Variants in CLSTN2 observed in about 807,000 individuals in gnomAD.
CLSTN2 encodes calsyntenin-2.
A neutral mutation model predicts 101.2 loss-of-function variants in CLSTN2; 48 were observed. The ratio of observed to expected loss-of-function variants is 0.47; its 90% CI spans 0.38 to 0.60. The LOEUF is 0.60. Among genes scored for constraint, CLSTN2 ranks in the 20% least tolerant of loss-of-function variants. The pLI is 0.00. For missense variants in CLSTN2, 1,160 were observed against 1,238.2 expected (o/e 0.94, Z 0.95); for synonymous variants, 481 against 463.6 (o/e 1.04, Z -0.48).
At chr3:139,952,835 T>C (rs891363213) in intron 1 of CLSTN2, among the ~76,000 whole-genome samples, 1 of 152,182 alleles carries the variant, frequency 6.6e-6, no homozygotes, top group Non-Finnish European at 1.5e-5. Context: ...GTCGGGGTTA[T>C]TCTCAGGGAG....
chr3:139,955,341 C>T (rs1462458140), intron 1 of CLSTN2, among the ~76,000 whole-genome samples: 1 of 151,654 alleles, frequency 6.6e-6, no homozygotes, highest in Non-Finnish European at 1.5e-5. Flanking sequence ...AACTCTGGCT[C>T]AAGAGGCTGT....
chr3:140,023,692 C>T (rs1026884710), intron 1 of CLSTN2, among the ~76,000 whole-genome samples: 2 of 152,172 alleles, frequency 1.3e-5, no homozygotes, highest in South Asian at 4.1e-4. Context: ...CACCAGCCCC[C>T]TTCGTGTTGG....
intron 2 of CLSTN2, among the ~76,000 whole-genome samples, chr3:140,343,885 G>C (rs1375236125): frequency 6.6e-6 from 1 of 152,174 alleles, no homozygotes; most frequent in Non-Finnish European, 1.5e-5. Context: ...AGGACTAGCT[G>C]GTTTGGTAAT....
At chr3:140,530,346 A>G (rs1443248161) in intron 8 of CLSTN2, among the ~76,000 whole-genome samples, 1 of 152,234 alleles carries the variant, frequency 6.6e-6, no homozygotes. Flanking sequence ...TAGGAATGCT[A>G]TAAATAGAAA....
intron 2 of CLSTN2, among the ~76,000 whole-genome samples, chr3:140,189,690 T>C (rs1338586366): frequency 1.3e-5 from 2 of 152,230 alleles, no homozygotes; most frequent in African/African-American, 2.4e-5. Context: ...TTTTAATTTT[T>C]GTATAAAGTA....
At chr3:139,996,684 T>G (rs1389561633) in intron 1 of CLSTN2, among the ~76,000 whole-genome samples, 1 of 152,232 alleles carries the variant, frequency 6.6e-6, no homozygotes, top group East Asian at 1.9e-4. Flanking sequence ...TTTTTCATTT[T>G]CCTGTTTGCT....
intron 1 of CLSTN2, among the ~76,000 whole-genome samples, chr3:140,065,239 G>T (rs2107774513): frequency 6.6e-6 from 1 of 152,350 alleles, no homozygotes; most frequent in East Asian, 1.9e-4. Flanking sequence ...GTGAGGCCAG[G>T]TGAGCCGAAG....
chr3:139,963,900 G>C (rs1168754116), intron 1 of CLSTN2, among the ~76,000 whole-genome samples: 1 of 152,208 alleles, frequency 6.6e-6, no homozygotes, highest in Admixed American at 6.5e-5. Context: ...AGCCTATGCT[G>C]TAGTGAAATT....
At chr3:140,391,380 C>CGGGGG (rs35354502) in intron 2 of CLSTN2, among the ~76,000 whole-genome samples, 1 of 87,106 alleles carries the variant, frequency 1.1e-5, no homozygotes, top group Non-Finnish European at 2.6e-5. Context: ...GGGGGGTGGG[C>CGGGGG]GGGAGGGGCG....
chr3:140,170,046 A>G (rs948740806), intron 1 of CLSTN2, among the ~76,000 whole-genome samples: 2 of 152,208 alleles, frequency 1.3e-5, no homozygotes, highest in African/African-American at 4.8e-5. Flanking sequence ...TAGGAATAAA[A>G]AGGCAATAAT....
chr3:139,959,064 C>T (rs1935457096), intron 1 of CLSTN2, among the ~76,000 whole-genome samples: 1 of 151,874 alleles, frequency 6.6e-6, no homozygotes, highest in African/African-American at 2.4e-5. Context: ...AAAGTATTCC[C>T]CTGTGTCTTT....
chr3:140,145,097 A>G (rs12494072), intron 1 of CLSTN2, among the ~76,000 whole-genome samples: 110,282 of 152,248 alleles, frequency 0.72, 44,469 homozygotes, highest in East Asian at 0.94. Context: ...ATCAGAGGAC[A>G]TGTCTTAACA....
chr3:140,436,594 C>T (rs1423053883), intron 5 of CLSTN2, among the ~76,000 whole-genome samples: 1 of 152,212 alleles, frequency 6.6e-6, no homozygotes, highest in Non-Finnish European at 1.5e-5. Context: ...CAGTCTGGGC[C>T]CCTGTGGCTT....
chr3:139,982,832 T>C (rs1467739990), intron 1 of CLSTN2, among the ~76,000 whole-genome samples: 1 of 152,086 alleles, frequency 6.6e-6, no homozygotes, highest in African/African-American at 2.4e-5. Flanking sequence ...TTGGAAATGT[T>C]GATAGTGGAC....
intron 1 of CLSTN2, among the ~76,000 whole-genome samples, chr3:140,152,742 G>A (rs1197519524): frequency 6.6e-6 from 1 of 152,144 alleles, no homozygotes. Flanking sequence ...TCAGGATTAA[G>A]TATAAGGTTT....
chr3:140,454,905 A>G (rs1011298907), intron 6 of CLSTN2, among the ~76,000 whole-genome samples: 3 of 152,234 alleles, frequency 2.0e-5, no homozygotes, highest in Admixed American at 2.0e-4. Context: ...TGTGTTGTGA[A>G]TAGAATACAT....
Position 140,281,259 on chromosome 3 carries a change from A to T in CLSTN2, c.232+105186A>T, listed in dbSNP as rs546411338. 1.3e-4 allele frequency among the ~76,000 whole-genome samples: 20 copies of T among 152,288 alleles called. No homozygotes were observed. In the South Asian group the frequency reaches 3.9e-3, roughly 30 times the overall value. On this transcript the variant is annotated intron_variant, in intron 2 of 16. Coordinates refer to ENST00000458420, the MANE Select transcript of CLSTN2 (RefSeq NM_022131.3). The stretch of plus-strand genomic sequence containing the variant: ...AAATGAATTATTTTCATTTTAACAG[A>T]TATTTACTTAGTGTCTAAGATGTGG...
chr3:140,459,582 A>G lies in CLSTN2; in HGVS notation c.1035A>G (p.Ala345=). The change falls in exon 7 of 17, where the codon GCA becomes GCG. Residue 345 remains alanine (A), a synonymous_variant. Coordinates refer to ENST00000458420, the MANE Select transcript of CLSTN2 (RefSeq NM_022131.3). ...CTAGCGCTGCCACCAACTGGACTGC[A>G]GGACTGCTGGTGGACAGCAGTGAGA... The part of the protein sequence containing the change: ...PSPSAATNWT[A]GLLVDSSEMI... The G allele has an allele frequency of 6.2e-7, 1 of 1,614,108 alleles. No homozygotes were observed. Among genetic ancestry groups the G allele is most frequent in the South Asian group, 1.1e-5 (1 of 91,070 alleles).
At chr3:140,350,784 G>T (rs2087597464) in intron 2 of CLSTN2, among the ~76,000 whole-genome samples, 1 of 152,152 alleles carries the variant, frequency 6.6e-6, no homozygotes, top group South Asian at 2.1e-4. Context: ...GAAGCCTGGG[G>T]CCCCTAATGG....
Sources: allele counts gnomAD v4.1 joint callset (sites outside exome capture counted in the v4.1 genomes callset), GRCh38; gene constraint gnomAD v4.1.1; transcripts MANE v1.5; gene names NCBI Gene and HGNC (gene_info 2026-07-23, HGNC 2026-07-21).